The following PALLD variants were observed in gnomAD, a reference collection of about 807,000 sequenced individuals.
PALLD encodes palladin, cytoskeletal associated protein.
A neutral mutation model predicts 123.5 loss-of-function variants in PALLD; 61 were observed. The observed-to-expected ratio is 0.49, with a 90% CI of 0.40 to 0.61. PALLD has a LOEUF of 0.61. Ranked by LOEUF, PALLD falls within the 20% of genes least tolerant of loss-of-function variation. The pLI, the probability that PALLD is intolerant of heterozygous loss-of-function variation, is 0.00. For missense variants in PALLD, 1,273 were observed against 1,377.0 expected (o/e 0.92, Z 1.20); for synonymous variants, 465 against 496.4 (o/e 0.94, Z 0.84).
At chr4:168,622,477 C>G (rs1261134062) in intron 2 of PALLD, among the ~76,000 whole-genome samples, 2 of 152,200 alleles carry the variant, frequency 1.3e-5, no homozygotes, top group South Asian at 2.1e-4. Flanking sequence ...AGAAAACATT[C>G]TCCTGAAGTG....
At chr4:168,864,613 G>A (rs190998255) in intron 10 of PALLD, 2 of 152,290 alleles carry the variant, frequency 1.3e-5, no homozygotes, top group African/African-American at 2.4e-5. Flanking sequence ...ATATTCTGGT[G>A]TATATACTAC....
At chr4:168,912,005 T>G (rs1759067848) in intron 15 of PALLD, among the ~76,000 whole-genome samples, 1 of 152,162 alleles carries the variant, frequency 6.6e-6, no homozygotes, top group African/African-American at 2.4e-5. Context: ...TCTGGGTGGT[T>G]ATAGCCCTAA....
At chr4:168,827,927 G>C (rs562487734) in intron 10 of PALLD, among the ~76,000 whole-genome samples, 7 of 152,256 alleles carry the variant, frequency 4.6e-5, no homozygotes, top group Admixed American at 1.3e-4. Flanking sequence ...TGTAATCCCA[G>C]GTACTCGGGA....
At chr4:168,828,258 C>T (rs548744720) in intron 10 of PALLD, among the ~76,000 whole-genome samples, 22 of 152,068 alleles carry the variant, frequency 1.4e-4, no homozygotes, top group East Asian at 3.9e-4. Context: ...AGCAAAATGC[C>T]GGAAGATATA....
chr4:168,806,145 C>T (rs1581565899), intron 10 of PALLD, among the ~76,000 whole-genome samples: 1 of 152,226 alleles, frequency 6.6e-6, no homozygotes, highest in African/African-American at 2.4e-5. Context: ...TCACTGCAAC[C>T]TCTGCCTCCT....
At chr4:168,754,929 T>C (rs562394852) in intron 10 of PALLD, among the ~76,000 whole-genome samples, 11 of 152,200 alleles carry the variant, frequency 7.2e-5, no homozygotes, top group African/African-American at 2.4e-4. Context: ...GGGATATTGT[T>C]AAGTACTAAA....
chr4:168,918,522 G>A (rs187906718), intron 17 of PALLD, among the ~76,000 whole-genome samples: 2 of 152,200 alleles, frequency 1.3e-5, no homozygotes, highest in South Asian at 2.1e-4. Flanking sequence ...TGATTACCAC[G>A]GGCTAGACGG....
At chr4:168,773,870 C>T (rs561034900) in intron 10 of PALLD, among the ~76,000 whole-genome samples, 2 of 152,262 alleles carry the variant, frequency 1.3e-5, no homozygotes, top group East Asian at 1.9e-4. Flanking sequence ...GCTTCCCCTC[C>T]AACACTGAGG....
intron 1 of PALLD, among the ~76,000 whole-genome samples, chr4:168,502,504 C>T (rs1761523048): frequency 1.3e-5 from 2 of 152,098 alleles, no homozygotes; most frequent in Non-Finnish European, 1.5e-5. Context: ...TATGTATACA[C>T]TAACATTTAG....
At chr4:168,708,215 T>C (rs1422476512) in intron 8 of PALLD, among the ~76,000 whole-genome samples, 2 of 152,238 alleles carry the variant, frequency 1.3e-5, no homozygotes, top group African/African-American at 4.8e-5. Context: ...TGTTAAGTGC[T>C]GGTAACAATA....
In PALLD at chr4:168,775,394, G is replaced by A. The variant is rs147143599; in HGVS notation, c.1964+63471G>A. 2.8e-3 allele frequency among the ~76,000 whole-genome samples: 431 copies of A among 152,108 alleles called. 5 individuals carry two copies. Among genetic ancestry groups the A allele is most frequent in the African/African-American group, 9.9e-3 (409 of 41,516 alleles). Reference sequence around the variant, plus strand: ...TGCCCATTGTTTAATTGGATTGCTTGTTTTCTTATTATCAAGTTTCTTATT... The same window carrying A: ...TGCCCATTGTTTAATTGGATTGCTTATTTTCTTATTATCAAGTTTCTTATT... On this transcript the variant is annotated intron_variant, in intron 10 of 21. Transcript: ENST00000505667.
In PALLD at chr4:168,878,350, G is replaced by C. The variant is rs1279403017; in HGVS notation, c.1965-12572G>C. ...CTCTGCTGCCCTCGCAGCCGCCGCCGGCGGCCGTCAACGCCCTGGGGCTGC... is the reference window on the plus strand; with the variant it reads ...CTCTGCTGCCCTCGCAGCCGCCGCCCGCGGCCGTCAACGCCCTGGGGCTGC... On this transcript the variant is annotated intron_variant, in intron 10 of 21. Coordinates refer to ENST00000505667, the MANE Select transcript of PALLD (RefSeq NM_001166108.2). 20 of 1,518,994 alleles carry C rather than the reference G, an allele frequency of 1.3e-5. No individual in the cohort carries two copies. Among genetic ancestry groups the C allele is most frequent in the Non-Finnish European group, 1.7e-5 (19 of 1,140,098 alleles). The allele number at this position is 1,518,994 out of a possible 1,614,324, so 94.1% of individuals were successfully genotyped here. A position where few individuals can be genotyped will look rare whatever the true frequency, so the allele number is the denominator to read the frequency against.
chr4:168,738,362 G>A (rs919317453), intron 10 of PALLD, among the ~76,000 whole-genome samples: 3 of 152,124 alleles, frequency 2.0e-5, no homozygotes, highest in Non-Finnish European at 4.4e-5. Context: ...TGTAGCAAGC[G>A]TTAAGAAGAG....
At chr4:168,743,331 A>G (rs1788548066) in intron 10 of PALLD, among the ~76,000 whole-genome samples, 1 of 152,170 alleles carries the variant, frequency 6.6e-6, no homozygotes, top group Admixed American at 6.5e-5. Context: ...CATGATATCT[A>G]TGAAGATCTC....
In PALLD at chr4:168,707,022, A is replaced by T. The variant is rs139605506; in HGVS notation, c.1502-2006A>T. Among the ~76,000 whole-genome samples the T allele has an allele frequency of 5.9e-3, 904 of 152,342 alleles. 11 individuals carry two copies. The highest frequency in any genetic ancestry group is 0.02 in the African/African-American group (830 of 41,582). On this transcript the variant is annotated intron_variant, in intron 8 of 21. Transcript: ENST00000505667. ...GCACTTATTAATTTGATGTATAGGT[A>T]AAAAATTAAAATATTTAAAGCTCTC...
intron 2 of PALLD, among the ~76,000 whole-genome samples, chr4:168,537,432 G>C (rs1177214169): frequency 1.3e-5 from 2 of 152,148 alleles, no homozygotes; most frequent in Non-Finnish European, 2.9e-5. Context: ...AGAATGTATT[G>C]ATTTGTTTTC....
intron 2 of PALLD, among the ~76,000 whole-genome samples, chr4:168,617,610 G>C (rs962762517): frequency 2.6e-5 from 4 of 152,188 alleles, no homozygotes; most frequent in Admixed American, 2.6e-4. Context: ...GGCAGAGTCA[G>C]ACTCCCTGGG....
At chr4:168,847,447 A>G (rs563158569) in intron 10 of PALLD, among the ~76,000 whole-genome samples, 1 of 152,328 alleles carries the variant, frequency 6.6e-6, no homozygotes, top group African/African-American at 2.4e-5. Flanking sequence ...CACTGAGGGA[A>G]AATGTGCATA....
intron 10 of PALLD, among the ~76,000 whole-genome samples, chr4:168,786,267 G>T (rs1736743230): frequency 6.6e-6 from 1 of 152,122 alleles, no homozygotes; most frequent in South Asian, 2.1e-4. Flanking sequence ...GGTAGAAGTT[G>T]CAGTGAGCCG....
Sources: gnomAD v4.1 joint callset for allele counts (sites outside exome capture counted in the v4.1 genomes callset) on GRCh38, gnomAD v4.1.1 for gene constraint, MANE v1.5 for transcripts, NCBI Gene and HGNC (gene_info 2026-07-23, HGNC 2026-07-21) for gene names.